Variants in MOB2 observed in about 807,000 individuals in gnomAD.
MOB2 encodes the protein MOB2 Mps One Binder homolog.
MOB2 carries 14 observed loss-of-function variants against 27.4 expected under a neutral mutation model. The observed-to-expected ratio is 0.51, with a 90% CI of 0.34 to 0.80. The LOEUF (loss-of-function observed/expected upper bound fraction) is 0.80, where lower values mean the gene tolerates loss of function less well. Ranked by LOEUF, MOB2 falls within the 30% of genes least tolerant of loss-of-function variation. The pLI is 0.01. For missense variants in MOB2, 304 were observed against 354.6 expected, an observed-to-expected ratio of 0.86 and a Z score of 1.15; for synonymous variants, 167 against 151.8, an observed-to-expected ratio of 1.10 and a Z score of -0.74.
chr11:1,472,416 C>T (rs1290574920), intron 3 of MOB2: 1 of 152,414 alleles, frequency 6.6e-6, no homozygotes, highest in East Asian at 1.9e-4. Flanking sequence ...CAGCTCCCAG[C>T]TCACCACAGG....
At chr11:1,473,999 C>G (rs1447333636) in intron 3 of MOB2, among the ~76,000 whole-genome samples, 2 of 152,222 alleles carry the variant, frequency 1.3e-5, no homozygotes, top group Non-Finnish European at 2.9e-5. Context: ...CCTCACTGCC[C>G]AGACACTGCC....
rs143956508 is a variant in MOB2, at chr11:1,469,876, G to A, written c.*296C>T. On this transcript the variant is annotated 3_prime_UTR_variant, in exon 5 of 5. Transcript: ENST00000329957. ...GGGCAGGGGCTGCACGGAGACCAGA[G>A]AAAGGAAAACCCCACAGAAGAAAAC... 10,128 of 690,586 alleles carry A rather than the reference G, an allele frequency of 0.015. 138 individuals carry two copies. Among genetic ancestry groups the A allele is most frequent in the South Asian group, 0.017 (1,150 of 67,144 alleles). The allele number at this position is 690,586 out of a possible 1,614,324, so 42.8% of individuals were successfully genotyped here. A position where few individuals can be genotyped will look rare whatever the true frequency, so the allele number is the denominator to read the frequency against.
chr11:1,480,251 T>G, intron 3 of MOB2, 142 bp downstream of exon 3: 18 of 700,626 alleles, frequency 2.6e-5, no homozygotes, highest in Non-Finnish European at 3.5e-5. Flanking sequence ...GGAAGGTGGA[T>G]GTTGTGGAAG....
chr11:1,485,890 G>A (rs917332342), intron 1 of MOB2, among the ~76,000 whole-genome samples: 7 of 152,218 alleles, frequency 4.6e-5, no homozygotes, highest in Admixed American at 6.5e-5. Context: ...TGGATTTTCC[G>A]GCAACATCCC....
chr11:1,472,922 A>G (rs1301213168), intron 3 of MOB2: 1 of 153,650 alleles, frequency 6.5e-6, no homozygotes, highest in Non-Finnish European at 1.4e-5. Flanking sequence ...GCTGTGTCCA[A>G]GAAGCCCCTC....
intron 1 of MOB2, among the ~76,000 whole-genome samples, chr11:1,482,272 G>A (rs1847923764): frequency 6.6e-6 from 1 of 152,246 alleles, no homozygotes; most frequent in South Asian, 2.1e-4. Context: ...GTTACCTGGT[G>A]GTCGGTCACG....
At position 1,469,969 on chromosome 11, in the gene MOB2, G is replaced by C; in HGVS notation, c.*203C>G. ...GGCCCAAAGGCTCTTCTCTACAAACGGCACGCATCCATCCGACAGGGGGCC... is the reference window on the plus strand; with the variant it reads ...GGCCCAAAGGCTCTTCTCTACAAACCGCACGCATCCATCCGACAGGGGGCC... On this transcript the variant is annotated 3_prime_UTR_variant, in exon 5 of 5. Transcript: ENST00000329957. 2 of 1,294,152 alleles carry C rather than the reference G, an allele frequency of 1.5e-6. No individual in the cohort carries two copies. The highest frequency in any genetic ancestry group is 2.2e-6 in the Non-Finnish European group (2 of 926,760). The allele number at this position is 1,294,152 out of a possible 1,614,324, so 80.2% of individuals were successfully genotyped here. A position where few individuals can be genotyped will look rare whatever the true frequency, so the allele number is the denominator to read the frequency against.
intron 1 of MOB2, 117 bp from the exon 2 acceptor site, chr11:1,481,002 G>A (rs901289985): frequency 6.3e-6 from 8 of 1,264,790 alleles, no homozygotes; most frequent in African/African-American, 4.5e-5. Context: ...CCATCGGGGC[G>A]ACACTGCCTC....
intron 3 of MOB2, among the ~76,000 whole-genome samples, chr11:1,477,372 C>T (rs1262719394): frequency 6.6e-6 from 1 of 152,200 alleles, no homozygotes; most frequent in Non-Finnish European, 1.5e-5. Context: ...GGTGTTTTCT[C>T]AGCACATCTT....
At position 1,474,377 on chromosome 11, in the gene MOB2, TCTTAA is replaced by T. The variant is rs1451600601; in HGVS notation, c.366-2963_366-2959del. Among the ~76,000 whole-genome samples, 8 of 152,246 alleles carry T rather than the reference TCTTAA, an allele frequency of 5.3e-5. No homozygotes were observed. In the East Asian group the frequency reaches 1.2e-3, roughly 22 times the overall value. On this transcript the variant is annotated intron_variant, in intron 3 of 4. Coordinates refer to ENST00000329957, the MANE Select transcript of MOB2 (RefSeq NM_001172223.3). ...CCCAGCCTGGAGTTTGTCTTCTTTCTCTTAAAAGTGTCTTGAAGCAAAAGTTCTGA... is the reference window on the plus strand; with the variant it reads ...CCCAGCCTGGAGTTTGTCTTCTTTCTAAGTGTCTTGAAGCAAAAGTTCTGA...
At chr11:1,471,499 C>G in intron 3 of MOB2, 80 bp from the exon 4 acceptor site, 3 of 1,533,054 alleles carry the variant, frequency 2.0e-6, no homozygotes, top group Non-Finnish European at 2.6e-6. Flanking sequence ...CTCAGGTCAT[C>G]TGCGGGCAGA....
intron 3 of MOB2, among the ~76,000 whole-genome samples, chr11:1,475,237 TAC>T (rs1847839566): frequency 6.6e-6 from 1 of 152,238 alleles, no homozygotes; most frequent in Non-Finnish European, 1.5e-5. Flanking sequence ...ATTGCTAATA[TAC>T]AGACCTATGA....
At position 1,480,396 on chromosome 11, in the gene MOB2, T is replaced by C. The variant is rs1314702009; in HGVS notation, c.362A>G (p.Asn121Ser). Residue 121 changes from asparagine to serine, a missense_variant, in exon 3 of 5, where the codon AAC (asparagine) becomes AGC (serine). Physicochemically the swap from Asn to Ser is conservative, Grantham distance 46. Transcript: ENST00000329957. ...GCTGTAGCCAGGCAGCACTCACGTG[T>C]TGCACACGGCCATCGTCTGACACGT... ...GETCQTMAVC[N>S]TQYYWYDERG... 1.9e-6 allele frequency: 3 copies of C among 1,612,838 alleles called. No individual in the cohort carries two copies. The highest frequency in any genetic ancestry group is 2.5e-6 in the Non-Finnish European group (3 of 1,179,314).
chr11:1,471,240 T>C (rs1243291698), intron 4 of MOB2, 55 bp downstream of exon 4: 13 of 1,567,730 alleles, frequency 8.3e-6, no homozygotes, highest in Non-Finnish European at 1.1e-5. Context: ...AGACACGTCC[T>C]GAATGCTCCC....
intron 3 of MOB2, among the ~76,000 whole-genome samples, chr11:1,476,449 T>G (rs899043349): frequency 1.3e-5 from 2 of 152,220 alleles, no homozygotes; most frequent in Admixed American, 1.3e-4. Context: ...GTGATACTCC[T>G]CTTTACATCC....
chr11:1,483,232 CCT>C (rs1392737593), intron 1 of MOB2, among the ~76,000 whole-genome samples: 1 of 152,216 alleles, frequency 6.6e-6, no homozygotes, highest in African/African-American at 2.4e-5. Context: ...CCCAGCTCCC[CCT>C]GTGCTGCTGG....
chr11:1,478,532 C>G (rs1847876979), intron 3 of MOB2, among the ~76,000 whole-genome samples: 1 of 152,230 alleles, frequency 6.6e-6, no homozygotes, highest in Non-Finnish European at 1.5e-5. Flanking sequence ...GTGCCACGGT[C>G]ATTCACTGCG....
At chr11:1,470,785 G>T (rs944492491) in intron 4 of MOB2, among the ~76,000 whole-genome samples, 3 of 149,104 alleles carry the variant, frequency 2.0e-5, no homozygotes, top group South Asian at 4.4e-4. Context: ...TCAGGAAGGG[G>T]CCTGTGATCG....
At chr11:1,483,272 A>G (rs1023373138) in intron 1 of MOB2, among the ~76,000 whole-genome samples, 6 of 152,250 alleles carry the variant, frequency 3.9e-5, no homozygotes, top group African/African-American at 1.4e-4. Context: ...CAGAAAGACC[A>G]AGTCCTTCGA....
Sources: allele counts gnomAD v4.1 joint callset (sites outside exome capture counted in the v4.1 genomes callset), GRCh38; gene constraint gnomAD v4.1.1; transcripts MANE v1.5; gene names NCBI Gene and HGNC (gene_info 2026-07-23, HGNC 2026-07-21).